Variants in DLEU7 observed in about 807,000 individuals in gnomAD.
The protein encoded by DLEU7 is deleted in lymphocytic leukemia 7, also known as leukemia-associated protein 7.
In DLEU7, 17 loss-of-function variants were observed where a neutral mutation model predicts 16.0. The ratio of observed to expected loss-of-function variants is 1.06; its 90% confidence interval spans 0.73 to 1.59. DLEU7 has a LOEUF of 1.59. Ranked by LOEUF, DLEU7 falls within the 40% of genes most tolerant of loss-of-function variation. The pLI is 0.00. For missense variants in DLEU7, 308 were observed against 314.9 expected (o/e 0.98, Z 0.17); for synonymous variants, 113 against 139.8 (o/e 0.81, Z 1.35).
chr13:50,837,991 G>C (rs1233370699), intron 1 of DLEU7, among the ~76,000 whole-genome samples: 4 of 152,130 alleles, frequency 2.6e-5, no homozygotes, highest in African/African-American at 7.2e-5. Flanking sequence ...CAGCGGAAAG[G>C]GGGCAGTAGA....
At chr13:50,768,786 T>C (rs914754916) in intron 1 of DLEU7, among the ~76,000 whole-genome samples, 12 of 152,224 alleles carry the variant, frequency 7.9e-5, no homozygotes, top group Non-Finnish European at 1.8e-4. Flanking sequence ...TTATAATCCT[T>C]TGGGTATATA....
At chr13:50,812,977 A>C (rs1876614271) in intron 1 of DLEU7, 1 of 152,130 alleles carries the variant, frequency 6.6e-6, no homozygotes, top group Non-Finnish European at 1.5e-5. Flanking sequence ...ACACCAAATA[A>C]ATTTCTTTTA....
chr13:50,736,612 C>G (rs1051481975), intron 1 of DLEU7, among the ~76,000 whole-genome samples: 3 of 151,884 alleles, frequency 2.0e-5, no homozygotes, highest in Non-Finnish European at 2.9e-5. Context: ...GAGGAATGAT[C>G]TCAACTTGGT....
chr13:50,778,132 G>A (rs147476170), intron 1 of DLEU7, among the ~76,000 whole-genome samples: 178 of 152,244 alleles, frequency 1.2e-3, no homozygotes, highest in African/African-American at 3.9e-3. Context: ...ATGACTTGGG[G>A]GTCTCAGGAA....
At chr13:50,829,739 A>G (rs1877202643) in intron 1 of DLEU7, among the ~76,000 whole-genome samples, 1 of 152,206 alleles carries the variant, frequency 6.6e-6, no homozygotes, top group African/African-American at 2.4e-5. Context: ...TAATAGGAAT[A>G]GGCTTTCCGT....
intron 1 of DLEU7, among the ~76,000 whole-genome samples, chr13:50,837,320 C>G (rs557500986): frequency 2.6e-5 from 4 of 152,144 alleles, no homozygotes. Context: ...AAATAAAACA[C>G]GGTAACATTT....
At chr13:50,727,234 A>T (rs930145743) in intron 1 of DLEU7, among the ~76,000 whole-genome samples, 45 of 138,502 alleles carry the variant, frequency 3.2e-4, no homozygotes, top group African/African-American at 1.3e-3. Flanking sequence ...TGTGTGTGTG[A>T]GTGTGTGTGA....
At chr13:50,775,646 C>T (rs969129650) in intron 1 of DLEU7, among the ~76,000 whole-genome samples, 1 of 152,200 alleles carries the variant, frequency 6.6e-6, no homozygotes, top group East Asian at 1.9e-4. Context: ...CTTTCTGCTT[C>T]AGCTCTGTGG....
At chr13:50,830,596 G>A (rs1877231080) in intron 1 of DLEU7, among the ~76,000 whole-genome samples, 1 of 152,138 alleles carries the variant, frequency 6.6e-6, no homozygotes, top group Non-Finnish European at 1.5e-5. Context: ...CAGAGTGCTG[G>A]GTTTTTATTG....
downstream of DLEU7, among the ~76,000 whole-genome samples, chr13:50,820,539 A>G (rs1876870844): frequency 6.6e-6 from 1 of 152,130 alleles, no homozygotes; most frequent in African/African-American, 2.4e-5. Flanking sequence ...GATTCAGGGT[A>G]GGTAGATCTG....
intron 1 of DLEU7, among the ~76,000 whole-genome samples, chr13:50,814,329 C>CATCT (rs761678153): frequency 1.3e-4 from 19 of 151,988 alleles, no homozygotes; most frequent in Non-Finnish European, 2.6e-4. Flanking sequence ...TCCATCCATC[C>CATCT]ATCTATCCAT....
chr13:50,728,566 C>T (rs909013543), intron 1 of DLEU7, among the ~76,000 whole-genome samples: 6 of 151,542 alleles, frequency 4.0e-5, no homozygotes, highest in Non-Finnish European at 5.9e-5. Flanking sequence ...TTTTTTTCAG[C>T]GAGGTTAATA....
At chr13:50,815,402 A>G (rs994514485) in intron 1 of DLEU7, among the ~76,000 whole-genome samples, 2 of 152,208 alleles carry the variant, frequency 1.3e-5, no homozygotes, top group African/African-American at 4.8e-5. Flanking sequence ...GAGAGGGAAC[A>G]GCTGTAAATC....
intron 1 of DLEU7, among the ~76,000 whole-genome samples, chr13:50,836,791 C>G (rs991357162): frequency 3.9e-5 from 6 of 152,198 alleles, no homozygotes; most frequent in African/African-American, 1.4e-4. Flanking sequence ...AAGTTGCTCT[C>G]CATTAAAGCA....
chr13:50,763,481 G>A (rs1021601063), intron 1 of DLEU7, among the ~76,000 whole-genome samples: 2 of 152,178 alleles, frequency 1.3e-5, no homozygotes, highest in Non-Finnish European at 2.9e-5. Context: ...CATGCTTTAA[G>A]AAGATGAACA....
At chr13:50,749,465 G>A (rs1874497953) in intron 1 of DLEU7, among the ~76,000 whole-genome samples, 1 of 151,636 alleles carries the variant, frequency 6.6e-6, no homozygotes, top group African/African-American at 2.4e-5. Flanking sequence ...TAGGGGGATT[G>A]CTGGATCAAA....
rs145273863 is a variant in DLEU7, at chr13:50,792,728, G to A, written c.459+50460C>T. On this transcript the variant is annotated intron_variant, in intron 1 of 1. Transcript: ENST00000400393. Reference sequence around the variant, plus strand: ...AGAACTGAATATGTTCTTTGGGTCCGCACTCAAATATCACCTCCTCAGAAA... The same window carrying A: ...AGAACTGAATATGTTCTTTGGGTCCACACTCAAATATCACCTCCTCAGAAA... Among the ~76,000 whole-genome samples, 58 of 150,566 alleles carry A rather than the reference G, an allele frequency of 3.9e-4. 1 individual carries two copies. The highest frequency in any genetic ancestry group is 1.1e-3 in the African/African-American group (45 of 41,222).
chr13:50,763,364 G>A (rs552966296), intron 1 of DLEU7, among the ~76,000 whole-genome samples: 35 of 152,184 alleles, frequency 2.3e-4, no homozygotes, highest in Non-Finnish European at 4.7e-4. Context: ...AGAGCTGGCT[G>A]AAGACAGGAA....
chr13:50,735,123 A>G (rs1199861996), intron 1 of DLEU7, among the ~76,000 whole-genome samples: 2 of 152,164 alleles, frequency 1.3e-5, no homozygotes, highest in African/African-American at 4.8e-5. Flanking sequence ...ATGTGTATGT[A>G]TAATAACAGA....
Sources: allele counts gnomAD v4.1 joint callset (sites outside exome capture counted in the v4.1 genomes callset), GRCh38; gene constraint gnomAD v4.1.1; transcripts MANE v1.5; gene names NCBI Gene and HGNC (gene_info 2026-07-23, HGNC 2026-07-21).